Variants in CCBE1 observed in about 807,000 individuals in gnomAD.
CCBE1 encodes the protein collagen and calcium-binding EGF domain-containing protein 1.
A neutral mutation model predicts 50.0 loss-of-function variants in CCBE1; 37 were observed. The observed-to-expected ratio is 0.74, with a 90% CI of 0.57 to 0.97. The LOEUF (loss-of-function observed/expected upper bound fraction) is 0.97, where lower values mean the gene tolerates loss of function less well. Ranked by LOEUF, CCBE1 falls within the 50% of genes least tolerant of loss-of-function variation. CCBE1 has a pLI of 0.00. For missense variants in CCBE1, 538 were observed against 523.8 expected (o/e 1.03, Z -0.26); for synonymous variants, 234 against 203.7 (o/e 1.15, Z -1.27).
rs1013400915 is a variant in CCBE1, at chr18:59,511,518, T to G, written c.213-31280A>C. On this transcript the variant is annotated intron_variant, in intron 2 of 10. Transcript: ENST00000439986. The stretch of plus-strand genomic sequence containing the variant: ...AGTTATTTTATGGATACACAGCAGA[T>G]GTACATATTTTCTTACATTCATATA... 1.2e-4 allele frequency among the ~76,000 whole-genome samples: 19 copies of G among 152,364 alleles called. 1 individual carries two copies. The East Asian group carries it at 3.7e-3, about 29-fold the overall frequency.
chr18:59,678,173 G>A (rs868759683), intron 2 of CCBE1, among the ~76,000 whole-genome samples: 1 of 152,264 alleles, frequency 6.6e-6, no homozygotes, highest in South Asian at 2.1e-4. Flanking sequence ...AAGGAGGGGG[G>A]AGGACTCAAA....
rs34421089 is a variant in CCBE1, at chr18:59,451,433, T to TAAA, written c.655-3333_655-3331dup. Among the ~76,000 whole-genome samples, 360 of 99,348 alleles carry TAAA rather than the reference T, an allele frequency of 3.6e-3. 3 individuals carry two copies. Among genetic ancestry groups the TAAA allele is most frequent in the Middle Eastern group, 0.018 (3 of 166 alleles). 65.2% of individuals were successfully genotyped at this position (99,348 alleles called of 152,430 possible). A position where few individuals can be genotyped will look rare whatever the true frequency, so the allele number is the denominator to read the frequency against. On this transcript the variant is annotated intron_variant, in intron 6 of 10. Transcript: ENST00000439986. ...CCCTGCTGCCAGAACACAAGCAACT[T>TAAA]AAAAAAAAAAAAAAAAAAAAAAGGA... is the stretch of plus-strand genomic sequence containing the variant.
chr18:59,591,245 C>CAA (rs58325003), intron 2 of CCBE1, among the ~76,000 whole-genome samples: 23 of 2,118 alleles, frequency 0.011, 9 homozygotes, highest in African/African-American at 0.018. Flanking sequence ...GACTCCGTCT[C>CAA]AAAAAAAAAA....
intron 2 of CCBE1, among the ~76,000 whole-genome samples, chr18:59,602,782 G>C (rs928951140): frequency 6.6e-6 from 1 of 152,224 alleles, no homozygotes; most frequent in Non-Finnish European, 1.5e-5. Flanking sequence ...CAAGGGTTAA[G>C]TGCCAGAAGA....
At chr18:59,659,117 G>C (rs1197073797) in intron 2 of CCBE1, among the ~76,000 whole-genome samples, 1 of 152,144 alleles carries the variant, frequency 6.6e-6, no homozygotes, top group African/African-American at 2.4e-5. Context: ...CACATTATGT[G>C]TAAGTTGCTG....
chr18:59,438,222 C>G, intron 9 of CCBE1, 76 bp from the exon 10 acceptor site: 3 of 1,258,522 alleles, frequency 2.4e-6, no homozygotes, highest in Non-Finnish European at 3.5e-6. Context: ...TATACACCCA[C>G]CATAACCACT....
intron 2 of CCBE1, among the ~76,000 whole-genome samples, chr18:59,677,473 T>A (rs2144722333): frequency 6.6e-6 from 1 of 152,234 alleles, no homozygotes; most frequent in East Asian, 1.9e-4. Flanking sequence ...CAACTGGATA[T>A]GTGAATTGCT....
intron 6 of CCBE1, among the ~76,000 whole-genome samples, chr18:59,454,282 T>C (rs1911075830): frequency 6.6e-6 from 1 of 152,182 alleles, no homozygotes; most frequent in African/African-American, 2.4e-5. Context: ...TTCACTCTTG[T>C]TGCCCAGGCT....
At chr18:59,492,470 G>A (rs904108927) in intron 2 of CCBE1, among the ~76,000 whole-genome samples, 5 of 152,174 alleles carry the variant, frequency 3.3e-5, no homozygotes, top group African/African-American at 1.2e-4. Context: ...GGATGTGAGT[G>A]ACTGATGGTG....
chr18:59,648,387 C>T (rs2054083601), intron 2 of CCBE1, among the ~76,000 whole-genome samples: 1 of 152,178 alleles, frequency 6.6e-6, no homozygotes, highest in African/African-American at 2.4e-5. Context: ...GTTTCTGGAA[C>T]CCTTTAGCTG....
At chr18:59,460,379 G>C (rs1425421457) in intron 5 of CCBE1, among the ~76,000 whole-genome samples, 2 of 152,174 alleles carry the variant, frequency 1.3e-5, no homozygotes, top group Non-Finnish European at 1.5e-5. Flanking sequence ...GATCACATGT[G>C]GTTATACTCA....
intron 2 of CCBE1, among the ~76,000 whole-genome samples, chr18:59,658,357 ATATATATATATATATATATATATATAT>A (rs2054229955): frequency 1.3e-3 from 2 of 1,568 alleles, no homozygotes; most frequent in Non-Finnish European, 2.0e-3. Flanking sequence ...AAAAAAAAAT[ATATATATATATATATATATATATATAT>A]ATATATATAT....
At chr18:59,560,795 T>A (rs2052724951) in intron 2 of CCBE1, among the ~76,000 whole-genome samples, 1 of 152,112 alleles carries the variant, frequency 6.6e-6, no homozygotes, top group South Asian at 2.1e-4. Flanking sequence ...AGGATGGGTG[T>A]GTTGATGGAT....
intron 2 of CCBE1, among the ~76,000 whole-genome samples, chr18:59,672,567 C>T (rs1012669987): frequency 1.3e-5 from 2 of 152,218 alleles, no homozygotes; most frequent in Non-Finnish European, 2.9e-5. Flanking sequence ...TGGCATCCAG[C>T]ACCCAGACCT....
chr18:59,596,405 T>A (rs1019081545), intron 2 of CCBE1, among the ~76,000 whole-genome samples: 1 of 152,206 alleles, frequency 6.6e-6, no homozygotes, highest in South Asian at 2.1e-4. Context: ...GGACTGTAAA[T>A]TGACCATTTT....
chr18:59,634,975 A>T (rs2053896933), intron 2 of CCBE1, among the ~76,000 whole-genome samples: 1 of 152,214 alleles, frequency 6.6e-6, no homozygotes, highest in East Asian at 1.9e-4. Context: ...AAGAAGAAAC[A>T]GAAGATAACA....
At chr18:59,554,012 G>GT (rs1035019252) in intron 2 of CCBE1, among the ~76,000 whole-genome samples, 8 of 152,038 alleles carry the variant, frequency 5.3e-5, no homozygotes, top group East Asian at 1.9e-4. Flanking sequence ...TGTACTTTTT[G>GT]TTTTTTTAGA....
chr18:59,659,730 T>C (rs1310768564), intron 2 of CCBE1, among the ~76,000 whole-genome samples: 1 of 152,252 alleles, frequency 6.6e-6, no homozygotes, highest in East Asian at 1.9e-4. Flanking sequence ...ATGTCATACA[T>C]AGGTAGAGGA....
At chr18:59,617,026 C>A (rs1203948480) in intron 2 of CCBE1, among the ~76,000 whole-genome samples, 4 of 152,152 alleles carry the variant, frequency 2.6e-5, no homozygotes, top group Non-Finnish European at 4.4e-5. Context: ...GGTTTCATCC[C>A]AAACCAATTA....
Sources: gnomAD v4.1 joint callset for allele counts (sites outside exome capture counted in the v4.1 genomes callset) on GRCh38, gnomAD v4.1.1 for gene constraint, MANE v1.5 for transcripts, NCBI Gene and HGNC (gene_info 2026-07-23, HGNC 2026-07-21) for gene names.